SDK1: variants seen among roughly 807,000 people sequenced by gnomAD.
SDK1 encodes the protein protein sidekick-1.
SDK1 carries 157 observed loss-of-function variants against 245.5 expected under a neutral mutation model. The observed-to-expected ratio is 0.64, with a 90% CI of 0.56 to 0.73. The LOEUF is 0.73. Ranked by LOEUF, SDK1 falls within the 30% of genes least tolerant of loss-of-function variation. The probability of loss-of-function intolerance (pLI) is 0.00; values close to 1 mark genes in which losing one functional copy is unlikely to be tolerated. For synonymous variants in SDK1, 1,647 were observed against 1,278.5 expected (o/e 1.29, Z -6.15); for missense variants, 3,583 against 3,002.3 (o/e 1.19, Z -4.52).
chr7:4,055,722 G>C (rs1164470528), intron 19 of SDK1, among the ~76,000 whole-genome samples: 1 of 151,902 alleles, frequency 6.6e-6, no homozygotes, highest in Non-Finnish European at 1.5e-5. Context: ...TAGCCATGTT[G>C]GTTATTGGTT....
intron 4 of SDK1, among the ~76,000 whole-genome samples, chr7:3,749,274 C>T (rs192100836): frequency 1.3e-5 from 2 of 151,324 alleles, no homozygotes; most frequent in East Asian, 2.0e-4. Flanking sequence ...GTAGCTGGGA[C>T]TACAGGTGTG....
chr7:4,090,745 C>T (rs1781735778), intron 22 of SDK1, among the ~76,000 whole-genome samples: 1 of 152,182 alleles, frequency 6.6e-6, no homozygotes, highest in Non-Finnish European at 1.5e-5. Flanking sequence ...GTAGTGTGCT[C>T]ATTGCTACTG....
chr7:3,710,927 G>A (rs1250384757), intron 4 of SDK1, among the ~76,000 whole-genome samples: 1 of 152,174 alleles, frequency 6.6e-6, no homozygotes, highest in Non-Finnish European at 1.5e-5. Context: ...GTAATACAAA[G>A]ATTTTTCTCT....
chr7:3,386,853 A>G (rs1317693648), intron 1 of SDK1, among the ~76,000 whole-genome samples: 1 of 152,176 alleles, frequency 6.6e-6, no homozygotes, highest in Non-Finnish European at 1.5e-5. Flanking sequence ...CCAAGAGTAG[A>G]CAACATATGT....
chr7:3,596,404 G>C (rs182306351), intron 1 of SDK1, among the ~76,000 whole-genome samples: 24 of 152,220 alleles, frequency 1.6e-4, no homozygotes, highest in African/African-American at 5.8e-4. Flanking sequence ...TGAGGAAAGT[G>C]TGTCTCCATT....
chr7:3,480,698 T>C (rs1236090827), intron 1 of SDK1, among the ~76,000 whole-genome samples: 1 of 152,250 alleles, frequency 6.6e-6, no homozygotes, highest in Non-Finnish European at 1.5e-5. Flanking sequence ...TGTAGTCCCC[T>C]GCTATTCCTG....
chr7:3,840,930 TC>T (rs1187634292), intron 5 of SDK1, among the ~76,000 whole-genome samples: 1 of 152,184 alleles, frequency 6.6e-6, no homozygotes, highest in Non-Finnish European at 1.5e-5. Flanking sequence ...CTAGAGAGAA[TC>T]CACATCGACT....
intron 1 of SDK1, among the ~76,000 whole-genome samples, chr7:3,334,261 T>A (rs1399934526): frequency 2.0e-5 from 3 of 152,222 alleles, no homozygotes; most frequent in Admixed American, 6.5e-5. Context: ...GATTGTTTTG[T>A]AGTCCTTTCA....
chr7:3,953,618 A>T (rs1374914243), intron 7 of SDK1, among the ~76,000 whole-genome samples: 1 of 152,240 alleles, frequency 6.6e-6, no homozygotes, highest in Non-Finnish European at 1.5e-5. Context: ...AAACATTTTA[A>T]GGTAATTTAA....
chr7:3,987,386 T>C, intron 14 of SDK1, 64 bp downstream of exon 14: 1 of 1,546,888 alleles, frequency 6.5e-7, no homozygotes, highest in Non-Finnish European at 8.9e-7. Flanking sequence ...GCTCTTAATG[T>C]CCTTAACCTT....
chr7:4,071,168 G>T (rs980227551), intron 20 of SDK1, among the ~76,000 whole-genome samples: 1 of 152,004 alleles, frequency 6.6e-6, no homozygotes, highest in Non-Finnish European at 1.5e-5. Flanking sequence ...GGGATTACAG[G>T]TGTGCGCCAC....
intron 1 of SDK1, among the ~76,000 whole-genome samples, chr7:3,331,607 A>G (rs2128551059): frequency 6.6e-6 from 1 of 152,324 alleles, no homozygotes; most frequent in East Asian, 1.9e-4. Context: ...GAAGTGCAAA[A>G]GCGTTTAATT....
rs1784334223 is a variant in SDK1 at position 4,208,206 on chromosome 7, C to T, written c.5322C>T (p.Tyr1774=). 6.2e-7 allele frequency: 1 copy of T among 1,613,966 alleles called. No individual in the cohort carries two copies. Among genetic ancestry groups the T allele is most frequent in the Non-Finnish European group, 8.5e-7 (1 of 1,179,974 alleles). ...AGAACCTGACCAGCCATACCAAGTA[C>T]CTGGTCAGCATATCAGCCTTCAACG... ...RLKNLTSHTK[Y]LVSISAFNAA... The change falls in exon 37 of 45, where the codon TAC becomes TAT. Residue 1774 remains tyrosine (Y), a synonymous_variant. Coordinates refer to ENST00000404826, the MANE Select transcript of SDK1 (RefSeq NM_152744.4).
At chr7:3,615,181 T>G (rs1781728153) in intron 1 of SDK1, among the ~76,000 whole-genome samples, 1 of 151,660 alleles carries the variant, frequency 6.6e-6, no homozygotes, top group South Asian at 2.1e-4. Context: ...CCATATGAAG[T>G]GGCATTTCTT....
chr7:3,744,067 T>C (rs955452365), intron 4 of SDK1, among the ~76,000 whole-genome samples: 1 of 152,196 alleles, frequency 6.6e-6, no homozygotes, highest in Non-Finnish European at 1.5e-5. Flanking sequence ...TCTCTCACTT[T>C]ATTTCAATAG....
chr7:3,572,714 A>G (rs1780154822), intron 1 of SDK1, among the ~76,000 whole-genome samples: 1 of 152,044 alleles, frequency 6.6e-6, no homozygotes, highest in Non-Finnish European at 1.5e-5. Context: ...GGTATAGAGG[A>G]TTTAACGGTG....
chr7:3,945,892 C>CT (rs1420310922), intron 5 of SDK1, among the ~76,000 whole-genome samples: 1 of 65,190 alleles, frequency 1.5e-5, no homozygotes, highest in East Asian at 4.7e-4. Flanking sequence ...GAGCAAGACT[C>CT]TGTCTGTAAA....
chr7:3,322,035 C>T (rs1779828179), intron 1 of SDK1, among the ~76,000 whole-genome samples: 3 of 150,256 alleles, frequency 2.0e-5, no homozygotes, highest in Admixed American at 2.0e-4. Flanking sequence ...ACTTAGGTGC[C>T]ACACAGCATC....
At chr7:3,459,261 T>A (rs1583888190) in intron 1 of SDK1, among the ~76,000 whole-genome samples, 1 of 152,246 alleles carries the variant, frequency 6.6e-6, no homozygotes, top group Non-Finnish European at 1.5e-5. Context: ...AGTACCTTTT[T>A]ATACTCCTCT....
Sources: gnomAD v4.1 joint callset for allele counts (sites outside exome capture counted in the v4.1 genomes callset) on GRCh38, gnomAD v4.1.1 for gene constraint, MANE v1.5 for transcripts, NCBI Gene and HGNC (gene_info 2026-07-23, HGNC 2026-07-21) for gene names.